DPY19L2: variants seen among roughly 807,000 people sequenced by gnomAD.
DPY19L2 encodes the protein probable C-mannosyltransferase DPY19L2.
Under a neutral mutation model 97.9 loss-of-function variants are expected in DPY19L2, and 34 were observed. The ratio of observed to expected loss-of-function variants is 0.35; its 90% CI spans 0.26 to 0.46. DPY19L2 has a LOEUF of 0.46. Ranked by LOEUF, DPY19L2 falls within the 20% of genes least tolerant of loss-of-function variation. The probability of loss-of-function intolerance (pLI) is 1.00; values close to 1 mark genes in which losing one functional copy is unlikely to be tolerated. For synonymous variants in DPY19L2, 230 were observed against 307.9 expected (o/e 0.75, Z 2.65); for missense variants, 623 against 911.4 (o/e 0.68, Z 4.07).
chr12:63,591,732 G>T (rs1882954306), intron 16 of DPY19L2, among the ~76,000 whole-genome samples: 2 of 151,062 alleles, frequency 1.3e-5, no homozygotes, highest in African/African-American at 4.9e-5. Flanking sequence ...AGTTAAAAAA[G>T]AAAGAAAAAG....
intron 6 of DPY19L2, among the ~76,000 whole-genome samples, chr12:63,628,065 G>C (rs1009816710): frequency 5.9e-5 from 9 of 152,156 alleles, no homozygotes; most frequent in Admixed American, 2.6e-4. Context: ...ATAAATCAAA[G>C]TAAGATGAGT....
intron 21 of DPY19L2, 63 bp downstream of exon 21, chr12:63,569,161 A>G: frequency 6.6e-7 from 1 of 1,522,290 alleles, no homozygotes; most frequent in Non-Finnish European, 8.8e-7. Context: ...GACTACTATA[A>G]TAAAGTGAAA....
At chr12:63,563,559 A>G (rs1213692481) in intron 21 of DPY19L2, among the ~76,000 whole-genome samples, 1 of 152,172 alleles carries the variant, frequency 6.6e-6, no homozygotes, top group Non-Finnish European at 1.5e-5. Context: ...TGGTGACTTC[A>G]CTTGATTGGT....
At chr12:63,629,958 G>A (rs1450004101) in intron 6 of DPY19L2, among the ~76,000 whole-genome samples, 1 of 152,060 alleles carries the variant, frequency 6.6e-6, no homozygotes, top group Non-Finnish European at 1.5e-5. Flanking sequence ...TTCATATCCA[G>A]CCAAACTAAG....
chr12:63,668,747 G>A (rs1054676091), upstream of DPY19L2: 2 of 288,260 alleles, frequency 6.9e-6, no homozygotes, highest in East Asian at 9.0e-5. Flanking sequence ...GCCCACATGC[G>A]CAGTCCTCAC....
At chr12:63,652,865 C>T (rs1478355623) in intron 4 of DPY19L2, among the ~76,000 whole-genome samples, 7 of 152,100 alleles carry the variant, frequency 4.6e-5, no homozygotes, top group African/African-American at 1.7e-4. Flanking sequence ...ACACACCAAA[C>T]CCCCACTGCA....
chr12:63,662,717 A>T (rs1895838346), intron 3 of DPY19L2, among the ~76,000 whole-genome samples: 1 of 152,026 alleles, frequency 6.6e-6, no homozygotes, highest in South Asian at 2.1e-4. Flanking sequence ...CAAAGTCCAG[A>T]CTCTGCCACA....
At chr12:63,575,423 A>G (rs1879642898) in intron 19 of DPY19L2, among the ~76,000 whole-genome samples, 1 of 151,938 alleles carries the variant, frequency 6.6e-6, no homozygotes, top group Middle Eastern at 3.4e-3. Flanking sequence ...GAAAAGGGCA[A>G]ACAAAACCCA....
At chr12:63,603,006 C>T (rs976770544) in intron 12 of DPY19L2, among the ~76,000 whole-genome samples, 77 of 152,210 alleles carry the variant, frequency 5.1e-4, no homozygotes, top group African/African-American at 1.8e-3. Context: ...TTATGCTACA[C>T]AGGGAAGACA....
chr12:63,565,427 C>T (rs1877478324), intron 21 of DPY19L2, among the ~76,000 whole-genome samples: 1 of 152,170 alleles, frequency 6.6e-6, no homozygotes, highest in Non-Finnish European at 1.5e-5. Context: ...ATCACTCCAA[C>T]TTCTGCTTCT....
intron 11 of DPY19L2, among the ~76,000 whole-genome samples, chr12:63,616,305 C>G (rs544794838): frequency 7.9e-4 from 121 of 152,230 alleles, no homozygotes; most frequent in African/African-American, 2.8e-3. Context: ...GATGAGCACA[C>G]TATTAGGAGT....
chr12:63,608,774 C>T, intron 11 of DPY19L2, 99 bp from the exon 12 acceptor site: 1 of 720,832 alleles, frequency 1.4e-6, no homozygotes, highest in East Asian at 2.8e-5. Context: ...CACCCTGTTC[C>T]ATCTCAGCTA....
chr12:63,653,972 TTC>T (rs959905862), intron 4 of DPY19L2, among the ~76,000 whole-genome samples: 3 of 151,882 alleles, frequency 2.0e-5, no homozygotes, highest in African/African-American at 7.2e-5. Context: ...AGAAACTGCA[TTC>T]TCTGAGTTAA....
At chr12:63,638,709 C>T (rs1360682566) in intron 6 of DPY19L2, among the ~76,000 whole-genome samples, 2 of 152,104 alleles carry the variant, frequency 1.3e-5, no homozygotes, top group African/African-American at 4.8e-5. Context: ...AAAGAGGACA[C>T]AAACAAATGG....
chr12:63,608,358 A>G (rs1462240936), intron 12 of DPY19L2, among the ~76,000 whole-genome samples: 2 of 152,206 alleles, frequency 1.3e-5, no homozygotes, highest in Admixed American at 1.3e-4. Context: ...GTATGGATAT[A>G]GCAGAATGAA....
intron 4 of DPY19L2, chr12:63,651,631 C>CA: frequency 2.7e-6 from 1 of 367,946 alleles, no homozygotes. Context: ...TCCAACATGG[C>CA]AAAAATCTCC....
At chr12:63,610,840 G>GCAAAAAAAAAAAAAAA (rs1886826692) in intron 11 of DPY19L2, among the ~76,000 whole-genome samples, 1 of 2,602 alleles carries the variant, frequency 3.8e-4, no homozygotes, top group Non-Finnish European at 9.9e-4. Context: ...GATGAATATA[G>GCAAAAAAAAAAAAAAA]CAAAAAAAAA....
intron 8 of DPY19L2, among the ~76,000 whole-genome samples, chr12:63,623,267 T>C (rs993619972): frequency 1.3e-5 from 2 of 151,750 alleles, no homozygotes; most frequent in African/African-American, 4.8e-5. Context: ...AAGTTTGAAA[T>C]GAAACTGGTT....
At chr12:63,641,022 A>G (rs540012789) in intron 6 of DPY19L2, among the ~76,000 whole-genome samples, 57 of 152,072 alleles carry the variant, frequency 3.7e-4, no homozygotes, top group Admixed American at 7.2e-4. Flanking sequence ...CCTCCCGAGT[A>G]GCTGGGACTA....
Sources: gnomAD v4.1 joint callset for allele counts (sites outside exome capture counted in the v4.1 genomes callset) on GRCh38, gnomAD v4.1.1 for gene constraint, MANE v1.5 for transcripts, NCBI Gene and HGNC (gene_info 2026-07-23, HGNC 2026-07-21) for gene names.